The following SLC25A42 variants were observed in gnomAD, a reference collection of about 807,000 sequenced individuals.
SLC25A42 encodes the protein solute carrier family 25 member 42.
Under a neutral mutation model 34.7 loss-of-function variants are expected in SLC25A42, and 19 were observed. The observed-to-expected ratio is 0.55, with a 90% CI of 0.38 to 0.80. The LOEUF is 0.80. Ranked by LOEUF, SLC25A42 falls within the 30% of genes least tolerant of loss-of-function variation. SLC25A42 has a pLI of 0.00. For missense variants in SLC25A42, 364 were observed against 441.3 expected (o/e 0.82, Z 1.57); for synonymous variants, 205 against 191.2 (o/e 1.07, Z -0.59).
Position 19,078,850 on chromosome 19 carries a change from T to C in SLC25A42, c.-35+14735T>C, listed in dbSNP as rs1190521894. 2.6e-5 allele frequency among the ~76,000 whole-genome samples: 4 copies of C among 151,906 alleles called. No homozygotes were observed. In the East Asian group the frequency reaches 7.7e-4, roughly 29 times the overall value. On this transcript the variant is annotated intron_variant, in intron 1 of 7. Coordinates refer to ENST00000318596, the MANE Select transcript of SLC25A42 (RefSeq NM_178526.5). Reference sequence around the variant, plus strand: ...AATGCACATAACTTGAAAGTTACCATTGTGAGCTTTTTTTTTTTGAGATGT... The same window carrying C: ...AATGCACATAACTTGAAAGTTACCACTGTGAGCTTTTTTTTTTTGAGATGT...
intron 4 of SLC25A42, 101 bp from the exon 5 acceptor site, chr19:19,105,460 C>T: frequency 7.0e-7 from 1 of 1,430,636 alleles, no homozygotes; most frequent in Non-Finnish European, 9.5e-7. Context: ...ATGGGGTCAC[C>T]CCGGCCCCGC....
intron 1 of SLC25A42, among the ~76,000 whole-genome samples, chr19:19,073,683 T>C (rs780767297): frequency 2.0e-5 from 3 of 151,974 alleles, no homozygotes; most frequent in Non-Finnish European, 4.4e-5. Context: ...CAAGCAATTC[T>C]CCTGCCCCAG....
chr19:19,103,384 C>T (rs1002202695), intron 3 of SLC25A42, among the ~76,000 whole-genome samples: 3 of 152,112 alleles, frequency 2.0e-5, no homozygotes, highest in East Asian at 1.9e-4. Flanking sequence ...CATGAGTCAC[C>T]GCGCCCGGCC....
Position 19,110,921 on chromosome 19 carries a change from G to C in SLC25A42, c.*45G>C. On this transcript the variant is annotated 3_prime_UTR_variant, in exon 8 of 8. Coordinates refer to ENST00000318596, the MANE Select transcript of SLC25A42 (RefSeq NM_178526.5). ...AGGACGGTGGACCGGTGACCCCTTT[G>C]TATTCTGGGCCCATGGAACGGTGGG... The C allele has an allele frequency of 1.9e-6, 3 of 1,604,384 alleles. No homozygotes were observed. Among genetic ancestry groups the C allele is most frequent in the Non-Finnish European group, 2.6e-6 (3 of 1,173,566 alleles).
rs562745170 is a variant in SLC25A42, at chr19:19,108,789, G to T, written c.649+744G>T. Among the ~76,000 whole-genome samples the T allele has an allele frequency of 2.6e-5, 4 of 151,858 alleles. No homozygotes were observed. The East Asian group carries it at 5.8e-4, about 22-fold the overall frequency. Reference sequence around the variant, plus strand: ...TGCTACATTTGCTCCCAGATATTTTGTTTTTTTTCTTTTTTGTAGAGATGG... The same window carrying T: ...TGCTACATTTGCTCCCAGATATTTTTTTTTTTTTCTTTTTTGTAGAGATGG... On this transcript the variant is annotated intron_variant, in intron 7 of 7. Transcript: ENST00000318596.
At chr19:19,073,985 G>C (rs2059643623) in intron 1 of SLC25A42, among the ~76,000 whole-genome samples, 1 of 152,196 alleles carries the variant, frequency 6.6e-6, no homozygotes, top group African/African-American at 2.4e-5. Context: ...TGGGATTACA[G>C]GCATGAGCCA....
intron 1 of SLC25A42, among the ~76,000 whole-genome samples, chr19:19,068,069 A>G (rs2059611223): frequency 6.6e-6 from 1 of 152,166 alleles, no homozygotes; most frequent in Admixed American, 6.6e-5. Context: ...CATAAAAAGT[A>G]TATTGGCCGG....
chr19:19,096,285 C>A, intron 2 of SLC25A42, 80 bp downstream of exon 2: 1 of 1,113,700 alleles, frequency 9.0e-7, no homozygotes, highest in Non-Finnish European at 1.3e-6. Context: ...TCCCTGCCTC[C>A]TCCTCCCAGC....
At chr19:19,102,015 T>C in intron 3 of SLC25A42, 129 bp downstream of exon 3, 1 of 378,962 alleles carries the variant, frequency 2.6e-6, no homozygotes, top group South Asian at 4.8e-5. Flanking sequence ...TTTTTTGTTG[T>C]TTTTTTTTTT....
intron 2 of SLC25A42, among the ~76,000 whole-genome samples, chr19:19,097,626 G>T (rs2059772623): frequency 6.6e-6 from 1 of 152,210 alleles, no homozygotes; most frequent in African/African-American, 2.4e-5. Flanking sequence ...CCAGCCCCAA[G>T]GTGGGAGGGA....
intron 3 of SLC25A42, among the ~76,000 whole-genome samples, chr19:19,104,374 T>C (rs1300626942): frequency 6.6e-6 from 1 of 152,206 alleles, no homozygotes; most frequent in Non-Finnish European, 1.5e-5. Context: ...CGTCAGAGGC[T>C]CCTGGTGACC....
intron 2 of SLC25A42, 147 bp from the exon 3 acceptor site, chr19:19,101,634 C>G: frequency 1.5e-6 from 1 of 658,810 alleles, no homozygotes; most frequent in Non-Finnish European, 2.5e-6. Flanking sequence ...CCACAGATCA[C>G]CCAGAACCAA....
intron 1 of SLC25A42, among the ~76,000 whole-genome samples, chr19:19,069,825 CTTCTT>C (rs1426721162): frequency 6.8e-6 from 1 of 148,122 alleles, no homozygotes; most frequent in Non-Finnish European, 1.5e-5. Flanking sequence ...TGGATCTCCT[CTTCTT>C]TTTTTTTTTT....
chr19:19,073,867 C>T (rs1482516914), intron 1 of SLC25A42, among the ~76,000 whole-genome samples: 1 of 152,176 alleles, frequency 6.6e-6, no homozygotes, highest in Non-Finnish European at 1.5e-5. Context: ...AGCCACTGTG[C>T]CCAGCTAATT....
chr19:19,107,805 C>CGGCTTT (rs1320396832), intron 6 of SLC25A42, 89 bp from the exon 7 acceptor site: 2 of 1,417,014 alleles, frequency 1.4e-6, no homozygotes, highest in Admixed American at 3.8e-5. Flanking sequence ...CAGGCCCAGC[C>CGGCTTT]GGCTTCGGGA....
intron 1 of SLC25A42, among the ~76,000 whole-genome samples, chr19:19,089,768 C>G (rs1414571567): frequency 2.6e-5 from 4 of 151,918 alleles, no homozygotes; most frequent in Admixed American, 2.6e-4. Flanking sequence ...ACTTATGAGG[C>G]CAAGGCAGGA....
At chr19:19,097,941 C>T (rs1374018067) in intron 2 of SLC25A42, among the ~76,000 whole-genome samples, 1 of 147,678 alleles carries the variant, frequency 6.8e-6, no homozygotes, top group Non-Finnish European at 1.5e-5. Flanking sequence ...CCAGCCTAGG[C>T]GACAGAGTGA....
intron 1 of SLC25A42, among the ~76,000 whole-genome samples, chr19:19,067,445 G>C (rs146368665): frequency 6.6e-6 from 1 of 152,084 alleles, no homozygotes; most frequent in African/African-American, 2.4e-5. Context: ...TTAGCCGGGC[G>C]TGGTGGCGTG....
intron 1 of SLC25A42, among the ~76,000 whole-genome samples, chr19:19,065,060 G>A (rs2059594246): frequency 6.6e-6 from 1 of 152,136 alleles, no homozygotes; most frequent in South Asian, 2.1e-4. Context: ...TGGACCCACC[G>A]CGTTTGGGCC....
Sources: gnomAD v4.1 joint callset for allele counts (sites outside exome capture counted in the v4.1 genomes callset) on GRCh38, gnomAD v4.1.1 for gene constraint, MANE v1.5 for transcripts, NCBI Gene and HGNC (gene_info 2026-07-23, HGNC 2026-07-21) for gene names.